PLCL1: variants seen among roughly 807,000 people sequenced by gnomAD.
PLCL1 encodes the protein inactive phospholipase C-like protein 1.
Under a neutral mutation model 84.4 loss-of-function variants are expected in PLCL1, and 41 were observed. That is an observed-to-expected ratio of 0.49 (90% CI 0.38 to 0.63). The LOEUF (loss-of-function observed/expected upper bound fraction) is 0.63. Ranked by LOEUF, PLCL1 falls within the 30% of genes least tolerant of loss-of-function variation. The pLI, the probability that PLCL1 is intolerant of heterozygous loss-of-function variation, is 0.00. For synonymous variants in PLCL1, 490 were observed against 488.3 expected (o/e 1.00, Z -0.05); for missense variants, 1,206 against 1,367.8 (o/e 0.88, Z 1.87).
At chr2:197,929,265 G>A (rs1373336134) in intron 1 of PLCL1, among the ~76,000 whole-genome samples, 1 of 152,160 alleles carries the variant, frequency 6.6e-6, no homozygotes, top group Non-Finnish European at 1.5e-5. Flanking sequence ...GATATGGAGG[G>A]CCGACTGTAA....
chr2:197,940,520 C>T (rs1689138007), intron 1 of PLCL1, among the ~76,000 whole-genome samples: 1 of 152,202 alleles, frequency 6.6e-6, no homozygotes, highest in African/African-American at 2.4e-5. Context: ...TGAAGTAAAG[C>T]CACTTATCTG....
intron 5 of PLCL1, among the ~76,000 whole-genome samples, chr2:198,117,550 G>T (rs1020128280): frequency 6.6e-6 from 1 of 151,496 alleles, no homozygotes; most frequent in African/African-American, 2.4e-5. Context: ...TTTATTTGCT[G>T]GTGAAATCAT....
intron 1 of PLCL1, among the ~76,000 whole-genome samples, chr2:197,999,125 T>A (rs1559069417): frequency 1.3e-5 from 2 of 152,086 alleles, no homozygotes; most frequent in Non-Finnish European, 2.9e-5. Context: ...AGCTATTTCT[T>A]CCCATTGGTG....
intron 1 of PLCL1, chr2:198,071,039 A>G (rs1692450986): frequency 2.3e-6 from 2 of 881,980 alleles, no homozygotes; most frequent in Non-Finnish European, 2.7e-6. Context: ...GTAAATGGTA[A>G]GCTCTCAAGC....
chr2:198,005,254 C>T (rs1025176830), intron 1 of PLCL1, among the ~76,000 whole-genome samples: 6 of 152,198 alleles, frequency 3.9e-5, no homozygotes, highest in African/African-American at 1.2e-4. Context: ...TATCTCCCTG[C>T]ATAGGCAATG....
At chr2:198,041,455 A>G (rs1330524504) in intron 1 of PLCL1, among the ~76,000 whole-genome samples, 1 of 152,098 alleles carries the variant, frequency 6.6e-6, no homozygotes, top group Non-Finnish European at 1.5e-5. Context: ...TTTCTAGGTA[A>G]TTATAGAATT....
At chr2:198,016,725 T>C (rs1014412557) in intron 1 of PLCL1, among the ~76,000 whole-genome samples, 1 of 152,256 alleles carries the variant, frequency 6.6e-6, no homozygotes, top group Non-Finnish European at 1.5e-5. Flanking sequence ...GGCTCAACTT[T>C]GAACGAACTT....
Position 197,806,312 on chromosome 2 carries a change from A to G in PLCL1, c.240+973A>G, listed in dbSNP as rs574307784. ...TGTGTGTGTACATACACACACACAC[A>G]TCCCTCAATGACAATGAAAGATGGA... On this transcript the variant is annotated intron_variant, in intron 1 of 5. Transcript: ENST00000428675. 6.6e-5 allele frequency among the ~76,000 whole-genome samples: 10 copies of G among 152,362 alleles called. No individual in the cohort carries two copies. In the East Asian group the frequency reaches 1.9e-3, roughly 29 times the overall value.
intron 1 of PLCL1, among the ~76,000 whole-genome samples, chr2:198,036,063 T>C (rs1028480540): frequency 1.4e-4 from 21 of 152,320 alleles, no homozygotes; most frequent in Admixed American, 5.9e-4. Flanking sequence ...TGTAGTATGA[T>C]TGATTGAAAA....
At chr2:197,824,689 G>A (rs13400324) in intron 1 of PLCL1, among the ~76,000 whole-genome samples, 3 of 148,818 alleles carry the variant, frequency 2.0e-5, no homozygotes, top group Non-Finnish European at 3.0e-5. Context: ...ACTCCAGCCC[G>A]GGCAACAGAG....
At position 197,805,544 on chromosome 2, in the gene PLCL1, T is replaced by G. The variant is rs531991105; in HGVS notation, c.240+205T>G. Among the ~76,000 whole-genome samples the G allele has an allele frequency of 6.6e-6, 1 of 152,314 alleles. No homozygotes were observed. The highest frequency in any genetic ancestry group is 2.1e-4 in the South Asian group (1 of 4,826). On this transcript the variant is annotated intron_variant, in intron 1 of 5. Coordinates refer to ENST00000428675, the MANE Select transcript of PLCL1 (RefSeq NM_006226.4). This position sits in a 1 kb window ranked among gnomAD's most constrained non-coding sequence, Gnocchi z 4.0. ...CGCACAAGTGACTTTTTCTCCCCAC[T>G]GACGGCAGAGGAAAAGTTCCGCTCT...
At chr2:197,910,726 T>G (rs1435275347) in intron 1 of PLCL1, among the ~76,000 whole-genome samples, 5 of 152,254 alleles carry the variant, frequency 3.3e-5, no homozygotes, top group Admixed American at 3.3e-4. Context: ...AATTCCAGGT[T>G]AATTCAGAGT....
chr2:198,140,594 AAAG>A (rs1370221623), intron 5 of PLCL1, among the ~76,000 whole-genome samples: 2 of 152,158 alleles, frequency 1.3e-5, no homozygotes, highest in African/African-American at 4.8e-5. Context: ...AAATGTGGTA[AAAG>A]AAGATCTTTC....
At chr2:197,941,024 CTAA>C (rs1256696411) in intron 1 of PLCL1, among the ~76,000 whole-genome samples, 1 of 150,476 alleles carries the variant, frequency 6.6e-6, no homozygotes, top group East Asian at 1.9e-4. Flanking sequence ...TAAAAAAAAA[CTAA>C]TAAGTAATCA....
At chr2:198,044,543 T>C (rs1460268873) in intron 1 of PLCL1, among the ~76,000 whole-genome samples, 1 of 152,248 alleles carries the variant, frequency 6.6e-6, no homozygotes, top group Non-Finnish European at 1.5e-5. Context: ...TTAATGTATA[T>C]GTTATAGTAC....
intron 1 of PLCL1, among the ~76,000 whole-genome samples, chr2:197,923,250 G>A (rs1559046181): frequency 6.7e-6 from 1 of 149,424 alleles, no homozygotes; most frequent in African/African-American, 2.5e-5. Flanking sequence ...TGGCCGGGCG[G>A]GGGGCTGACC....
At chr2:198,080,785 A>G (rs926283945) in intron 1 of PLCL1, among the ~76,000 whole-genome samples, 5 of 152,228 alleles carry the variant, frequency 3.3e-5, no homozygotes, top group Admixed American at 6.5e-5. Context: ...TGTCCTTTGT[A>G]AAATGACAAC....
chr2:198,144,404 T>A (rs777192005), intron 5 of PLCL1, among the ~76,000 whole-genome samples: 1 of 152,180 alleles, frequency 6.6e-6, no homozygotes, highest in Non-Finnish European at 1.5e-5. Context: ...ATTATACATA[T>A]CTCTGTAAAA....
chr2:198,005,933 A>G (rs1313639815), intron 1 of PLCL1, among the ~76,000 whole-genome samples: 1 of 152,244 alleles, frequency 6.6e-6, no homozygotes, highest in East Asian at 1.9e-4. Context: ...TCTTGATAAC[A>G]CAGTTAATGT....
Sources: allele counts gnomAD v4.1 joint callset (sites outside exome capture counted in the v4.1 genomes callset), GRCh38; gene constraint gnomAD v4.1.1; non-coding constraint Gnocchi (gnomAD v3.1); transcripts MANE v1.5; gene names NCBI Gene and HGNC (gene_info 2026-07-23, HGNC 2026-07-21).